ENAH: variants seen among roughly 807,000 people sequenced by gnomAD.
ENAH encodes the protein protein enabled homolog.
In ENAH, 23 loss-of-function variants were observed where a neutral mutation model predicts 78.7. The ratio of observed to expected loss-of-function variants is 0.29; its 90% CI spans 0.21 to 0.41. ENAH has a LOEUF of 0.41. Ranked by LOEUF, ENAH falls within the 10% of genes least tolerant of loss-of-function variation. The probability of loss-of-function intolerance (pLI) is 1.00; values close to 1 mark genes in which losing one functional copy is unlikely to be tolerated. For missense variants in ENAH, 544 were observed against 691.0 expected, an observed-to-expected ratio of 0.79 and a Z score of 2.39; for synonymous variants, 226 against 241.0, an observed-to-expected ratio of 0.94 and a Z score of 0.58.
chr1:225,528,419 C>T (rs965854524), intron 4 of ENAH, among the ~76,000 whole-genome samples: 1 of 152,002 alleles, frequency 6.6e-6, no homozygotes, highest in Non-Finnish European at 1.5e-5. Flanking sequence ...GGGGGTGAAA[C>T]ACAAACATGG....
chr1:225,540,158 G>A (rs2096582444), intron 3 of ENAH, among the ~76,000 whole-genome samples: 1 of 152,146 alleles, frequency 6.6e-6, no homozygotes. Flanking sequence ...AAGAGGGTTT[G>A]TTTTCGTTTC....
intron 1 of ENAH, among the ~76,000 whole-genome samples, chr1:225,592,910 A>T (rs983028022): frequency 6.6e-6 from 1 of 152,146 alleles, no homozygotes; most frequent in Non-Finnish European, 1.5e-5. Context: ...CAGCCTGTCC[A>T]CTACAGCTGG....
intron 1 of ENAH, among the ~76,000 whole-genome samples, chr1:225,602,357 C>T (rs1196620120): frequency 6.6e-6 from 1 of 151,916 alleles, no homozygotes; most frequent in Non-Finnish European, 1.5e-5. Context: ...TTAAAAAGAA[C>T]AAAAGCTACG....
intron 1 of ENAH, among the ~76,000 whole-genome samples, chr1:225,643,404 A>T (rs796355974): frequency 6.6e-6 from 1 of 152,194 alleles, no homozygotes; most frequent in Admixed American, 6.5e-5. Context: ...AAATAAAAAA[A>T]AAAACAAAAC....
At chr1:225,566,669 T>C (rs2096736486) in intron 2 of ENAH, among the ~76,000 whole-genome samples, 1 of 152,222 alleles carries the variant, frequency 6.6e-6, no homozygotes, top group Non-Finnish European at 1.5e-5. Context: ...TCTACTGCTG[T>C]TGATCTGTTA....
Position 225,620,780 on chromosome 1 carries a change from G to A in ENAH, c.5+31906C>T, listed in dbSNP as rs556074753. ...AGCACTTTGGGAGGCCAAGGTGGGC[G>A]GATCACCCAAGGTCAGGAGTTCAAG... is the stretch of plus-strand genomic sequence containing the variant. On this transcript the variant is annotated intron_variant, in intron 1 of 13. Coordinates refer to ENST00000366843, the MANE Select transcript of ENAH (RefSeq NM_018212.6). Among the ~76,000 whole-genome samples, 84 of 152,050 alleles carry A rather than the reference G, an allele frequency of 5.5e-4. 2 individuals are homozygous for A. The highest frequency in any genetic ancestry group is 1.7e-3 in the African/African-American group (69 of 41,462).
chr1:225,595,605 G>A (rs1194141273), intron 1 of ENAH, among the ~76,000 whole-genome samples: 1 of 152,164 alleles, frequency 6.6e-6, no homozygotes, highest in East Asian at 1.9e-4. Flanking sequence ...ATTCCCATGT[G>A]TTAGGATCTC....
chr1:225,526,604 T>C (rs2096507505), intron 4 of ENAH, among the ~76,000 whole-genome samples: 1 of 151,908 alleles, frequency 6.6e-6, no homozygotes, highest in African/African-American at 2.4e-5. Flanking sequence ...CCCAAAGTGC[T>C]GGGATTATGT....
chr1:225,575,266 T>A (rs1486142901), intron 1 of ENAH, among the ~76,000 whole-genome samples: 1 of 152,190 alleles, frequency 6.6e-6, no homozygotes, highest in East Asian at 1.9e-4. Flanking sequence ...GTTCCTCAAC[T>A]GGCTTATTTC....
chr1:225,489,268 A>G lies in ENAH; in HGVS notation c.*8507T>C, dbSNP rs1041412763. The G allele has an allele frequency of 6.6e-6, 1 of 152,198 alleles. No homozygotes were observed. The highest frequency in any genetic ancestry group is 2.4e-5 in the African/African-American group (1 of 41,444). 9.4% of individuals were successfully genotyped at this position (152,198 alleles called of 1,614,324 possible). ...TGGAATCAGTCTTTCTGAACGGCAG[A>G]ATGTGCTTCCAGGTTGAAGCACAAT... On this transcript the variant is annotated 3_prime_UTR_variant, in exon 14 of 14. Coordinates refer to ENST00000366843, the MANE Select transcript of ENAH (RefSeq NM_018212.6).
intron 1 of ENAH, among the ~76,000 whole-genome samples, chr1:225,651,430 A>G (rs1000822459): frequency 2.6e-5 from 4 of 152,236 alleles, no homozygotes; most frequent in Admixed American, 2.6e-4. Context: ...TAAAATGGAA[A>G]CTACCGAAAT....
At chr1:225,594,918 T>C (rs1053951041) in intron 1 of ENAH, among the ~76,000 whole-genome samples, 10 of 152,078 alleles carry the variant, frequency 6.6e-5, no homozygotes, top group Non-Finnish European at 1.5e-4. Flanking sequence ...ATTAATACAA[T>C]CAAGAAAAAA....
rs1426914187 is a variant in ENAH at position 225,496,625 on chromosome 1, T to C, written c.*1150A>G. On this transcript the variant is annotated 3_prime_UTR_variant, in exon 14 of 14. Coordinates refer to ENST00000366843, the MANE Select transcript of ENAH (RefSeq NM_018212.6). ...AAGCTCAGAATCATGTTTCAGACCA[T>C]TGAAATTACTGGTTAAAATACAAAT... 2.0e-5 allele frequency: 3 copies of C among 152,666 alleles called. No individual in the cohort carries two copies. Among genetic ancestry groups the C allele is most frequent in the Non-Finnish European group, 4.4e-5 (3 of 68,040 alleles). The allele number at this position is 152,666 out of a possible 1,614,324, so 9.5% of individuals were successfully genotyped here.
intron 1 of ENAH, chr1:225,652,292 A>T (rs1053449700): frequency 6.1e-6 from 6 of 979,486 alleles, no homozygotes; most frequent in Non-Finnish European, 6.1e-6. Context: ...AGTGCATGAA[A>T]TTTTTACATA....
chr1:225,562,010 C>T (rs1290501908), intron 2 of ENAH, among the ~76,000 whole-genome samples: 3 of 152,056 alleles, frequency 2.0e-5, no homozygotes, highest in South Asian at 2.1e-4. Flanking sequence ...TGGTTCTTTG[C>T]TTATGTGCTT....
intron 3 of ENAH, among the ~76,000 whole-genome samples, chr1:225,538,273 G>T (rs949274386): frequency 6.6e-6 from 1 of 151,226 alleles, no homozygotes; most frequent in African/African-American, 2.5e-5. Context: ...TTGCTCAAAG[G>T]TATCTAGAAT....
intron 1 of ENAH, among the ~76,000 whole-genome samples, chr1:225,589,010 C>T (rs2096862197): frequency 2.0e-5 from 3 of 151,980 alleles, no homozygotes; most frequent in Admixed American, 2.0e-4. Context: ...AACTGATATA[C>T]ATGACATGAT....
rs2096253897 is a variant in ENAH, at chr1:225,497,295, A to G, written c.*480T>C. ...TAGGGCTGATCTCAATTATTCATGG[A>G]ATATCAAACATGATAGGAAGAACAA... On this transcript the variant is annotated 3_prime_UTR_variant, in exon 14 of 14. Coordinates refer to ENST00000366843, the MANE Select transcript of ENAH (RefSeq NM_018212.6). 1 of 153,196 alleles carries G rather than the reference A, an allele frequency of 6.5e-6. No individual in the cohort carries two copies. Among genetic ancestry groups the G allele is most frequent in the Non-Finnish European group, 1.5e-5 (1 of 68,380 alleles). The allele number at this position is 153,196 out of a possible 1,614,324, so 9.5% of individuals were successfully genotyped here.
intron 1 of ENAH, among the ~76,000 whole-genome samples, chr1:225,637,372 T>TA (rs1457930307): frequency 1.3e-5 from 2 of 152,156 alleles, no homozygotes; most frequent in Non-Finnish European, 2.9e-5. Context: ...CACGCCCAGC[T>TA]AATTTTTGTA....
Sources: allele counts gnomAD v4.1 joint callset (sites outside exome capture counted in the v4.1 genomes callset), GRCh38; gene constraint gnomAD v4.1.1; transcripts MANE v1.5; gene names NCBI Gene and HGNC (gene_info 2026-07-23, HGNC 2026-07-21).